Variants in MEGF6 observed in about 807,000 individuals in gnomAD.
The protein encoded by MEGF6 is multiple epidermal growth factor-like domains protein 6.
In MEGF6, 184 loss-of-function variants were observed where a neutral mutation model predicts 207.1. The ratio of observed to expected loss-of-function variants is 0.89; its 90% CI spans 0.79 to 1.00. The LOEUF is 1.00. Ranked by LOEUF, MEGF6 falls within the 50% of genes least tolerant of loss-of-function variation. The probability of loss-of-function intolerance (pLI) is 0.00; values close to 1 mark genes in which losing one functional copy is unlikely to be tolerated. For missense variants in MEGF6, 2,282 were observed against 2,202.9 expected, an observed-to-expected ratio of 1.04 and a Z score of -0.72; for synonymous variants, 1,038 against 910.0, an observed-to-expected ratio of 1.14 and a Z score of -2.53.
At chr1:3,523,322 G>T (rs1641834446) in intron 5 of MEGF6, among the ~76,000 whole-genome samples, 1 of 152,204 alleles carries the variant, frequency 6.6e-6, no homozygotes, top group Non-Finnish European at 1.5e-5. Context: ...GCCGAAGGGT[G>T]AGGGTGGCTG....
At chr1:3,557,711 C>T (rs1476813973) in intron 4 of MEGF6, among the ~76,000 whole-genome samples, 6 of 152,230 alleles carry the variant, frequency 3.9e-5, no homozygotes, top group African/African-American at 1.2e-4. Flanking sequence ...CAAGGAGAGA[C>T]GGGGGGCCCA....
intron 3 of MEGF6, among the ~76,000 whole-genome samples, chr1:3,588,658 C>T (rs1643932221): frequency 6.6e-6 from 1 of 151,956 alleles, no homozygotes; most frequent in Admixed American, 6.6e-5. Flanking sequence ...AGTCGAGGGC[C>T]AGGCAGGCTG....
At chr1:3,567,708 C>A (rs192478610) in intron 4 of MEGF6, among the ~76,000 whole-genome samples, 2 of 152,326 alleles carry the variant, frequency 1.3e-5, no homozygotes, top group East Asian at 3.9e-4. Flanking sequence ...CCCTGCAGGC[C>A]GGGGTTGTCC....
intron 2 of MEGF6, among the ~76,000 whole-genome samples, chr1:3,597,622 C>T (rs951917075): frequency 3.9e-4 from 59 of 152,320 alleles, no homozygotes; most frequent in Admixed American, 1.0e-3. Context: ...GAAATTTGGA[C>T]GCAGGCACAG....
intron 1 of MEGF6, among the ~76,000 whole-genome samples, chr1:3,605,040 GCA>G (rs913470159): frequency 2.0e-5 from 3 of 151,690 alleles, no homozygotes; most frequent in African/African-American, 4.9e-5. Context: ...CCCAGCACCT[GCA>G]CACACACAAA....
chr1:3,591,229 C>G (rs1350708259), intron 3 of MEGF6, among the ~76,000 whole-genome samples: 1 of 152,208 alleles, frequency 6.6e-6, no homozygotes, highest in Non-Finnish European at 1.5e-5. Context: ...GCTCGGCTAA[C>G]CCAGGGTGGG....
rs537689740 is a variant in MEGF6, at chr1:3,528,327, G to T, written c.482-4081C>A. On this transcript the variant is annotated intron_variant, in intron 4 of 36. Transcript: ENST00000356575. ...CTGCCCCACTCCCAAGGCACCCCAC[G>T]TGATGGCAGGGCTGAGCTATTCCCA... Among the ~76,000 whole-genome samples the T allele has an allele frequency of 2.0e-5, 3 of 152,222 alleles. No individual in the cohort carries two copies. The South Asian group carries it at 6.2e-4, about 32-fold the overall frequency.
intron 5 of MEGF6, among the ~76,000 whole-genome samples, chr1:3,519,056 C>T (rs1252251160): frequency 6.6e-6 from 1 of 152,286 alleles, no homozygotes; most frequent in Non-Finnish European, 1.5e-5. Flanking sequence ...GGCCCTTCAG[C>T]ATGGCCACCA....
At chr1:3,524,343 CT>C in intron 4 of MEGF6, 97 bp from the exon 5 acceptor site, 1 of 1,506,796 alleles carries the variant, frequency 6.6e-7, no homozygotes, top group Non-Finnish European at 9.0e-7. Flanking sequence ...ACCCAGGTCC[CT>C]CCCGTGCCTC....
At chr1:3,558,924 G>A (rs1643111070) in intron 4 of MEGF6, among the ~76,000 whole-genome samples, 2 of 152,156 alleles carry the variant, frequency 1.3e-5, no homozygotes, top group African/African-American at 4.8e-5. Context: ...CTACTCAGGA[G>A]GCTGAGGGGG....
rs1640744996 is a variant in MEGF6, at chr1:3,499,205, G to A, written c.3027C>T (p.Ala1009=). ...CSQACACFNG[A]SCDPVHGQCH... is the part of the protein sequence containing the mutation. The stretch of plus-strand genomic sequence containing the variant: ...ACTGCCCGTGGACAGGGTCACAGGA[G>A]GCCCCGTTAAAGCAGGCACAGGCCT... The change falls in exon 24 of 37, where the codon GCC becomes GCT. Residue 1009 remains alanine (A), a synonymous_variant. Coordinates refer to ENST00000356575, the MANE Select transcript of MEGF6 (RefSeq NM_001409.4). The A allele has an allele frequency of 1.9e-6, 3 of 1,604,828 alleles. No individual in the cohort carries two copies. Among genetic ancestry groups the A allele is most frequent in the South Asian group, 1.1e-5 (1 of 89,244 alleles).
intron 30 of MEGF6, among the ~76,000 whole-genome samples, chr1:3,495,343 G>A (rs1640555995): frequency 6.6e-6 from 1 of 152,186 alleles, no homozygotes; most frequent in Admixed American, 6.5e-5. Context: ...CCTTGATGCA[G>A]ACTAAGGGTG....
intron 4 of MEGF6, among the ~76,000 whole-genome samples, chr1:3,551,953 G>T (rs1299397710): frequency 1.3e-5 from 2 of 152,204 alleles, no homozygotes. Context: ...CTTGCTGGGT[G>T]CCCAGGTGGG....
rs1353539829 is a variant in MEGF6, at chr1:3,494,091, T to C, written c.4163A>G (p.Gln1388Arg). The C allele has an allele frequency of 4.4e-6, 7 of 1,589,242 alleles. No individual in the cohort carries two copies. The East Asian group carries it at 9.0e-5, about 20-fold the overall frequency. The change falls in exon 33 of 37, where the codon CAG (glutamine) becomes CGG (arginine). Residue 1388 changes from glutamine (Q) to arginine (R), a missense_variant. By Grantham distance (43) the Gln-to-Arg change is conservative (BLOSUM62 1). Coordinates refer to ENST00000356575, the MANE Select transcript of MEGF6 (RefSeq NM_001409.4). The stretch of plus-strand genomic sequence containing the variant: ...TCCATGTTGACACCAGCACAACCCC[T>C]GGCAGCCAGCCCCGTGGAAGCCAGG... ...CPPGFHGAGC[Q>R]GLCWCQHGAP...
intron 3 of MEGF6, among the ~76,000 whole-genome samples, chr1:3,589,132 G>C (rs1643938385): frequency 6.6e-6 from 1 of 152,166 alleles, no homozygotes; most frequent in Non-Finnish European, 1.5e-5. Flanking sequence ...GAGGGGAGAT[G>C]ACCATGTAGA....
At chr1:3,620,646 C>T in the MEGF6 span, among the ~76,000 whole-genome samples, 1 of 152,226 alleles carries the variant, frequency 6.6e-6, no homozygotes, top group African/African-American at 2.4e-5. Context: ...CACTGGGGCA[C>T]TTGTAGGGAC....
intron 9 of MEGF6, among the ~76,000 whole-genome samples, chr1:3,511,124 T>C (rs1641330868): frequency 6.6e-6 from 1 of 152,236 alleles, no homozygotes; most frequent in South Asian, 2.1e-4. Context: ...GTCCCGCATA[T>C]GTGCACACAC....
rs533490589 is a variant in MEGF6 at position 3,577,937 on chromosome 1, G to C, written c.481+1888C>G. ...CCCCACAGGGTGTGCAGCCCGCAGT[G>C]AGCCTCCTGCAAGCCCTGTGCCTGC... On this transcript the variant is annotated intron_variant, in intron 4 of 36. Coordinates refer to ENST00000356575, the MANE Select transcript of MEGF6 (RefSeq NM_001409.4). Among the ~76,000 whole-genome samples, 399 of 152,340 alleles carry C rather than the reference G, an allele frequency of 2.6e-3. 10 individuals are homozygous for C. In the South Asian group the frequency reaches 0.08, roughly 31 times the overall value.
chr1:3,596,070 G>A (rs1198834609), intron 2 of MEGF6, among the ~76,000 whole-genome samples: 2 of 152,120 alleles, frequency 1.3e-5, no homozygotes, highest in African/African-American at 2.4e-5. Context: ...AGACCTGGAG[G>A]AAGCAGTTAG....
Sources: allele counts gnomAD v4.1 joint callset (sites outside exome capture counted in the v4.1 genomes callset), GRCh38; gene constraint gnomAD v4.1.1; transcripts MANE v1.5; gene names NCBI Gene and HGNC (gene_info 2026-07-23, HGNC 2026-07-21).